The following DNAH2 variants were observed in gnomAD, a reference collection of about 807,000 sequenced individuals.
DNAH2 encodes axonemal beta dynein heavy chain 2.
DNAH2 carries 323 observed loss-of-function variants against 523.5 expected under a neutral mutation model. The ratio of observed to expected loss-of-function variants is 0.62; its 90% CI spans 0.56 to 0.68. The LOEUF (loss-of-function observed/expected upper bound fraction) is 0.68, where lower values mean the gene tolerates loss of function less well. Ranked by LOEUF, DNAH2 falls within the 30% of genes least tolerant of loss-of-function variation. DNAH2 has a pLI of 0.00. For missense variants in DNAH2, 4,907 were observed against 5,701.5 expected (o/e 0.86, Z 4.49); for synonymous variants, 2,093 against 2,177.4 (o/e 0.96, Z 1.08).
At chr17:7,768,688 C>T (rs1015585111) in intron 24 of DNAH2, among the ~76,000 whole-genome samples, 2 of 152,150 alleles carry the variant, frequency 1.3e-5, no homozygotes, top group Admixed American at 6.5e-5. Context: ...CAACACCTCC[C>T]GAACTTTCCA....
Position 7,781,077 on chromosome 17 carries a change from C to A in DNAH2, c.6039C>A (p.Ala2013=). ...TCTCAATGAGAGATATGAACATCGC[C>A]AAGCTCACTTCAGTTGATGCACCCC... ...LLLSMRDMNI[A]KLTSVDAPLF... The change falls in exon 39 of 86, where the codon GCC becomes GCA. Residue 2013 remains alanine (A), a synonymous_variant. Coordinates refer to ENST00000572933, the MANE Select transcript of DNAH2 (RefSeq NM_020877.5). 6.2e-7 allele frequency: 1 copy of A among 1,614,224 alleles called. No homozygotes were observed. The highest frequency in any genetic ancestry group is 8.5e-7 in the Non-Finnish European group (1 of 1,180,048).
rs1327901042 is a variant in DNAH2 at position 7,807,951 on chromosome 17, C to T, written c.9729+365C>T. Among the ~76,000 whole-genome samples the T allele has an allele frequency of 3.9e-5, 6 of 152,118 alleles. No individual in the cohort carries two copies. Among genetic ancestry groups the T allele is most frequent in the Admixed American group, 3.3e-4 (5 of 15,274 alleles). ...AGGGATGGGTCAAGAGTGTCTGTGTCGCTTCTGTGGACCAAGAACAACGTG... is the reference window on the plus strand; with the variant it reads ...AGGGATGGGTCAAGAGTGTCTGTGTTGCTTCTGTGGACCAAGAACAACGTG... On this transcript the variant is annotated intron_variant, in intron 63 of 85. Coordinates refer to ENST00000572933, the MANE Select transcript of DNAH2 (RefSeq NM_020877.5). This position sits in a 1 kb window ranked among gnomAD's most constrained non-coding sequence, Gnocchi z 5.6.
intron 39 of DNAH2, among the ~76,000 whole-genome samples, chr17:7,783,963 C>T (rs1335475851): frequency 1.3e-5 from 2 of 151,940 alleles, no homozygotes; most frequent in African/African-American, 4.8e-5. Flanking sequence ...AGCTTAATGA[C>T]AAAGGGCTGA....
rs775105135 is a variant in DNAH2 at position 7,781,141 on chromosome 17, G to A, written c.6103G>A (p.Glu2035Lys). Residue 2035 changes from glutamate (E) to lysine (K), a missense_variant, in exon 39 of 86, where the codon GAG (glutamate) becomes AAG (lysine). Physicochemically the swap from Glu to Lys is moderately conservative, Grantham distance 56 (BLOSUM62 1). This residue lies in a region of DNAH2 where 2,806 missense variants were observed against 3,190.8 expected (regional missense o/e 0.88). Transcript: ENST00000572933. Reference protein sequence around the residue: ...AIVQDLFPNIELPVIDYGKLR... With the variant: ...AIVQDLFPNIKLPVIDYGKLR... Reference sequence around the variant, plus strand: ...CGTGCAAGATCTGTTTCCCAACATTGAGCTGCCTGTCATTGACTATGGCAA... The same window carrying A: ...CGTGCAAGATCTGTTTCCCAACATTAAGCTGCCTGTCATTGACTATGGCAA... 10 of 1,614,058 alleles carry A rather than the reference G, an allele frequency of 6.2e-6. No individual in the cohort carries two copies. The highest frequency in any genetic ancestry group is 5.3e-5 in the African/African-American group (4 of 74,928).
chr17:7,797,852 C>G (rs1190910166), intron 53 of DNAH2, 23 bp downstream of exon 53: 1 of 1,591,814 alleles, frequency 6.3e-7, no homozygotes, highest in Admixed American at 1.7e-5. Context: ...CACGCCTATC[C>G]CCTTCCCCAT....
At position 7,823,901 on chromosome 17, in the gene DNAH2, C is replaced by T. The variant is rs747175557; in HGVS notation, c.11397C>T (p.Arg3799=). The stretch of plus-strand genomic sequence containing the variant: ...TCGTTCGCTCCCTGCGCCAGGACCG[C>T]GTGGCCTTCTGCGTGACCTCCTTCA... ...MLIVRSLRQD[R]VAFCVTSFII... The change falls in exon 75 of 86, where the codon CGC becomes CGT. Residue 3799 remains arginine (R), a synonymous_variant. Transcript: ENST00000572933. 35 of 1,614,016 alleles carry T rather than the reference C, an allele frequency of 2.2e-5. 1 individual carries two copies. The South Asian group carries it at 3.1e-4, about 14-fold the overall frequency.
In DNAH2 at chr17:7,792,089, G is replaced by A; in HGVS notation, c.7053+20G>A. The A allele has an allele frequency of 6.2e-7, 1 of 1,611,746 alleles. No homozygotes were observed. The highest frequency in any genetic ancestry group is 8.5e-7 in the Non-Finnish European group (1 of 1,179,290). ...AATAAGGTTGGGCGCACACCTGGCT[G>A]TCCTATTTGCCCTGTTTTTCCAGAC... On this transcript the variant is annotated intron_variant, in intron 45 of 85. Transcript: ENST00000572933.
rs1272257958 is a variant in DNAH2, at chr17:7,821,982, A to C, written c.11142+613A>C. ...TCCCACCCCAAACTCTCAACACAGC[A>C]ACCAGAGAGGTCCCACTCTGTCACT... On this transcript the variant is annotated intron_variant, in intron 73 of 85. Transcript: ENST00000572933. This position sits in a 1 kb window ranked among gnomAD's most constrained non-coding sequence, Gnocchi z 5.0. Among the ~76,000 whole-genome samples, 1 of 151,872 alleles carries C rather than the reference A, an allele frequency of 6.6e-6. No homozygotes were observed. The highest frequency in any genetic ancestry group is 2.4e-5 in the African/African-American group (1 of 41,344).
intron 6 of DNAH2, 30 bp from the exon 7 acceptor site, chr17:7,734,440 A>G: frequency 6.2e-7 from 1 of 1,610,378 alleles, no homozygotes; most frequent in Non-Finnish European, 8.5e-7. Flanking sequence ...GTGTGAAGAA[A>G]CGAAGGAGAT....
intron 68 of DNAH2, 77 bp downstream of exon 68, chr17:7,818,173 T>G (rs572776787): frequency 6.3e-7 from 1 of 1,599,920 alleles, no homozygotes; most frequent in Admixed American, 1.7e-5. Flanking sequence ...TGTCCTCTTC[T>G]TACCTGTCCC....
At chr17:7,788,725 T>A (rs1814408701) in intron 44 of DNAH2, among the ~76,000 whole-genome samples, 1 of 152,234 alleles carries the variant, frequency 6.6e-6, no homozygotes, top group Admixed American at 6.5e-5. Flanking sequence ...AAATTTGATA[T>A]CTTCTGTTGA....
At chr17:7,792,147 G>A (rs1369617274) in intron 45 of DNAH2, 78 bp downstream of exon 45, 19 of 1,601,644 alleles carry the variant, frequency 1.2e-5, no homozygotes, top group Middle Eastern at 3.5e-4. Context: ...GGCTCTGCTT[G>A]GGTTTCCCTC....
In DNAH2 at chr17:7,780,243, G is replaced by T; in HGVS notation, c.5809G>T (p.Ala1937Ser). The T allele has an allele frequency of 6.2e-7, 1 of 1,614,168 alleles. No homozygotes were observed. Among genetic ancestry groups the T allele is most frequent in the South Asian group, 1.1e-5 (1 of 91,080 alleles). Reference protein sequence around the residue: ...AMVVPDSTLIAEIILFGEGFG... With the variant: ...AMVVPDSTLISEIILFGEGFG... The stretch of plus-strand genomic sequence containing the variant: ...GGTGGTGCCTGACTCCACCCTCATT[G>T]CAGAAATCATTCTCTTTGGAGAGGG... Residue 1937 changes from alanine (A) to serine (S), a missense_variant, in exon 37 of 86, where the codon GCA becomes TCA. Ala to Ser is a moderately conservative substitution (Grantham distance 99). Around this residue, in one of 3 missense-constraint regions of DNAH2, gnomAD observed 2,806 missense variants for 3,190.8 expected, o/e 0.88. Transcript: ENST00000572933. This position sits in a 1 kb window ranked among gnomAD's most constrained non-coding sequence, Gnocchi z 4.4.
intron 58 of DNAH2, among the ~76,000 whole-genome samples, 169 bp from the exon 59 acceptor site, chr17:7,804,087 C>T (rs1043190395): frequency 6.6e-6 from 1 of 152,142 alleles, no homozygotes; most frequent in African/African-American, 2.4e-5. Flanking sequence ...AAGCTGTTGG[C>T]AATGACCCAG....
At chr17:7,781,282 C>T (rs183819202) in intron 39 of DNAH2, 115 bp downstream of exon 39, 1 of 1,217,884 alleles carries the variant, frequency 8.2e-7, no homozygotes, top group Admixed American at 1.8e-5. Flanking sequence ...TGAGACTAGC[C>T]TGGGCAACAT....
At chr17:7,829,558 C>T (rs530581044) in intron 77 of DNAH2, among the ~76,000 whole-genome samples, 2 of 152,170 alleles carry the variant, frequency 1.3e-5, no homozygotes, top group South Asian at 4.1e-4. Flanking sequence ...ATCACATAGA[C>T]TGTTCTTCCT....
intron 12 of DNAH2, among the ~76,000 whole-genome samples, chr17:7,748,341 T>TC (rs2075574064): frequency 6.6e-6 from 1 of 152,172 alleles, no homozygotes; most frequent in African/African-American, 2.4e-5. Context: ...CTCTCTTTTT[T>TC]CCCCGGTCAC....
At chr17:7,727,407 A>G in intron 4 of DNAH2, 115 bp downstream of exon 4, 1 of 1,356,466 alleles carries the variant, frequency 7.4e-7, no homozygotes, top group Non-Finnish European at 9.9e-7. Flanking sequence ...ATTGAGCCCC[A>G]CTGTGTCAGG....
chr17:7,741,319 C>CTCCCTCCCTCCTTCCT, intron 11 of DNAH2, among the ~76,000 whole-genome samples: 1 of 37,038 alleles, frequency 2.7e-5, no homozygotes, highest in Non-Finnish European at 4.8e-5. Context: ...CCCTCCCTCC[C>CTCCCTCCCTCCTTCCT]TCCCTCCTTC....
Sources: gnomAD v4.1 joint callset for allele counts (sites outside exome capture counted in the v4.1 genomes callset) on GRCh38, gnomAD v4.1.1 for gene constraint, gnomAD v4.1.1 regional missense constraint, Gnocchi (gnomAD v3.1) non-coding constraint, MANE v1.5 for transcripts, NCBI Gene and HGNC (gene_info 2026-07-23, HGNC 2026-07-21) for gene names.